Variants in COG5 observed in about 807,000 individuals in gnomAD.
The protein encoded by COG5 is component of oligomeric golgi complex 5, also known as conserved oligomeric Golgi complex subunit 5.
COG5 carries 86 observed loss-of-function variants against 110.4 expected under a neutral mutation model. That is an observed-to-expected ratio of 0.78 (90% confidence interval 0.65 to 0.93). The LOEUF is 0.93. COG5 is among the 40% of genes least tolerant of loss of function. The probability of loss-of-function intolerance (pLI) is 0.00; values close to 1 mark genes in which losing one functional copy is unlikely to be tolerated. For missense variants in COG5, 1,077 were observed against 987.0 expected (o/e 1.09, Z -1.22); for synonymous variants, 360 against 334.6 (o/e 1.08, Z -0.83).
intron 6 of COG5, among the ~76,000 whole-genome samples, chr7:107,451,472 C>A (rs538992769): frequency 6.6e-6 from 1 of 152,058 alleles, no homozygotes; most frequent in African/African-American, 2.4e-5. Context: ...GGATTGGTAC[C>A]ATACAGAAAC....
intron 10 of COG5, among the ~76,000 whole-genome samples, chr7:107,344,437 T>C (rs995991170): frequency 6.6e-6 from 1 of 152,230 alleles, no homozygotes; most frequent in Non-Finnish European, 1.5e-5. Context: ...TTGATTAGGC[T>C]TTAGCTTAAA....
intron 7 of COG5, among the ~76,000 whole-genome samples, chr7:107,381,684 A>G (rs957596238): frequency 1.3e-5 from 2 of 152,252 alleles, no homozygotes; most frequent in Admixed American, 1.3e-4. Context: ...AGGAAAATGT[A>G]CAAGACTCAC....
chr7:107,208,111 C>G (rs916073802), intron 21 of COG5: 1 of 985,432 alleles, frequency 1.0e-6, no homozygotes, highest in Non-Finnish European at 1.2e-6. Flanking sequence ...AGAACATTCT[C>G]TAGGACAAAA....
At chr7:107,290,585 T>C (rs1190345634) in intron 12 of COG5, among the ~76,000 whole-genome samples, 1 of 152,238 alleles carries the variant, frequency 6.6e-6, no homozygotes, top group Non-Finnish European at 1.5e-5. Context: ...GAACTTTCTT[T>C]AGTATTTCTT....
intron 16 of COG5, among the ~76,000 whole-genome samples, chr7:107,254,250 GA>G (rs1255242071): frequency 6.6e-6 from 1 of 152,046 alleles, no homozygotes; most frequent in African/African-American, 2.4e-5. Flanking sequence ...TCTTCTCTAT[GA>G]AATAAAATCA....
At chr7:107,415,567 T>C (rs1438384880) in intron 6 of COG5, among the ~76,000 whole-genome samples, 1 of 151,524 alleles carries the variant, frequency 6.6e-6, no homozygotes, top group South Asian at 2.1e-4. Context: ...AAAAATCACA[T>C]CCTCTAAATC....
chr7:107,287,307 G>C (rs1321667903), intron 12 of COG5, among the ~76,000 whole-genome samples: 1 of 152,172 alleles, frequency 6.6e-6, no homozygotes, highest in Non-Finnish European at 1.5e-5. Flanking sequence ...GTGGCTAGCT[G>C]TCCCTGTGTG....
rs1179230087 is a variant in COG5 at position 107,415,861 on chromosome 7, C to G, written c.539-3229G>C. Among the ~76,000 whole-genome samples the G allele has an allele frequency of 8.2e-5, 9 of 109,404 alleles. 1 individual carries two copies. Among genetic ancestry groups the G allele is most frequent in the Non-Finnish European group, 1.6e-4 (8 of 49,466 alleles). 71.8% of individuals were successfully genotyped at this position (109,404 alleles called of 152,430 possible). A position where few individuals can be genotyped will look rare whatever the true frequency, so the allele number is the denominator to read the frequency against. On this transcript the variant is annotated intron_variant, in intron 6 of 21. Transcript: ENST00000297135. ...GTGTGTGTATATATACACACACATA[C>G]ACGTATGTATGTATGTGTGTGTATA...
chr7:107,375,850 G>A (rs888213322), intron 7 of COG5, among the ~76,000 whole-genome samples: 4 of 151,668 alleles, frequency 2.6e-5, no homozygotes, highest in African/African-American at 7.3e-5. Context: ...TACTCTCTAC[G>A]GTTTAGTACT....
intron 6 of COG5, among the ~76,000 whole-genome samples, chr7:107,429,660 A>C (rs1022761877): frequency 2.6e-5 from 4 of 152,122 alleles, no homozygotes; most frequent in Non-Finnish European, 5.9e-5. Flanking sequence ...TAGCTCCCAA[A>C]ATTCCCACAT....
chr7:107,392,301 T>C (rs1293091980), intron 7 of COG5, among the ~76,000 whole-genome samples: 1 of 152,176 alleles, frequency 6.6e-6, no homozygotes, highest in Non-Finnish European at 1.5e-5. Context: ...AGTGAGCTCC[T>C]ATTATGAACC....
At chr7:107,269,098 T>C (rs1323340239) in intron 14 of COG5, among the ~76,000 whole-genome samples, 1 of 152,194 alleles carries the variant, frequency 6.6e-6, no homozygotes. Context: ...ATAGTTTCCT[T>C]TTTTACCCTT....
At chr7:107,518,935 G>C (rs796653116) in intron 6 of COG5, among the ~76,000 whole-genome samples, 13 of 152,236 alleles carry the variant, frequency 8.5e-5, no homozygotes, top group African/African-American at 3.1e-4. Context: ...AAATGCAAAA[G>C]AATGGAAATC....
rs551323450 is a variant in COG5, at chr7:107,460,757, T to C, written c.539-48125A>G. On this transcript the variant is annotated intron_variant, in intron 6 of 21. Transcript: ENST00000297135. ...AAAAGATGATAGAAATTGTCAAATA[T>C]CAGTAATAAAAGGGAAGATATCTGC... Among the ~76,000 whole-genome samples the C allele has an allele frequency of 1.2e-3, 190 of 152,062 alleles. 2 individuals carry two copies. Among genetic ancestry groups the C allele is most frequent in the African/African-American group, 4.4e-3 (181 of 41,494 alleles).
chr7:107,476,294 T>C (rs1245352062), intron 6 of COG5, among the ~76,000 whole-genome samples: 3 of 124,582 alleles, frequency 2.4e-5, no homozygotes, highest in Non-Finnish European at 5.4e-5. Context: ...CAAATCTGAA[T>C]ACCAGGAATG....
intron 6 of COG5, among the ~76,000 whole-genome samples, chr7:107,414,587 A>C (rs1042284971): frequency 1.3e-5 from 2 of 150,110 alleles, no homozygotes; most frequent in African/African-American, 4.9e-5. Context: ...GTTCTGGTTT[A>C]TTCTAGTTTA....
At chr7:107,339,072 A>C (rs1810956388) in intron 10 of COG5, among the ~76,000 whole-genome samples, 1 of 152,170 alleles carries the variant, frequency 6.6e-6, no homozygotes, top group African/African-American at 2.4e-5. Context: ...GGTAAAAGAC[A>C]CAGAATTGCA....
At chr7:107,507,757 A>T (rs868722937) in intron 6 of COG5, among the ~76,000 whole-genome samples, 1 of 152,192 alleles carries the variant, frequency 6.6e-6, no homozygotes, top group African/African-American at 2.4e-5. Flanking sequence ...ACGTTTGCCT[A>T]TAAGTATTGT....
At chr7:107,376,578 G>C (rs1267893673) in intron 7 of COG5, among the ~76,000 whole-genome samples, 1 of 151,506 alleles carries the variant, frequency 6.6e-6, no homozygotes, top group Non-Finnish European at 1.5e-5. Flanking sequence ...AAATTGTTTT[G>C]ACTTTTCTAA....
Sources: allele counts gnomAD v4.1 joint callset (sites outside exome capture counted in the v4.1 genomes callset), GRCh38; gene constraint gnomAD v4.1.1; transcripts MANE v1.5; gene names NCBI Gene and HGNC (gene_info 2026-07-23, HGNC 2026-07-21).